The following GCNT1 variants were observed in gnomAD, a reference collection of about 807,000 sequenced individuals.
GCNT1 encodes beta-1,3-galactosyl-O-glycosyl-glycoprotein beta-1,6-N-acetylglucosaminyltransferase.
A neutral mutation model predicts 26.2 loss-of-function variants in GCNT1; 16 were observed. The observed-to-expected ratio is 0.61, with a 90% CI of 0.41 to 0.93. The LOEUF (loss-of-function observed/expected upper bound fraction) is 0.93. Among genes scored for constraint, GCNT1 ranks in the 40% least tolerant of loss-of-function variants. The probability of loss-of-function intolerance (pLI) is 0.00; values close to 1 mark genes in which losing one functional copy is unlikely to be tolerated. For missense variants in GCNT1, 477 were observed against 526.7 expected, an observed-to-expected ratio of 0.91 and a Z score of 0.92; for synonymous variants, 183 against 190.8, an observed-to-expected ratio of 0.96 and a Z score of 0.34.
chr9:76,495,362 G>C lies in GCNT1; in HGVS notation c.-289-5554G>C, dbSNP rs191624094. 1.4e-3 allele frequency among the ~76,000 whole-genome samples: 217 copies of C among 152,278 alleles called. 1 individual carries two copies. The highest frequency in any genetic ancestry group is 4.9e-3 in the African/African-American group (202 of 41,560). On this transcript the variant is annotated intron_variant, in intron 2 of 3. Transcript: ENST00000376730. ...TTCATGAGTGAAGCCGCAGACCTTT[G>C]CGGTGAGTGTTACACCTCTTAAAGG...
chr9:76,439,130 C>T (rs1823446207), upstream of GCNT1, among the ~76,000 whole-genome samples: 1 of 152,048 alleles, frequency 6.6e-6, no homozygotes, highest in Admixed American at 6.6e-5. Flanking sequence ...AGACCAGTAG[C>T]TTCAGTATCA....
At chr9:76,483,086 A>C (rs1824466382) in intron 2 of GCNT1, among the ~76,000 whole-genome samples, 1 of 152,230 alleles carries the variant, frequency 6.6e-6, no homozygotes, top group Admixed American at 6.5e-5. Context: ...ATAGTATCTT[A>C]CATGATGTCA....
chr9:76,485,812 AAC>A (rs1169650542), intron 2 of GCNT1, among the ~76,000 whole-genome samples: 5 of 151,704 alleles, frequency 3.3e-5, no homozygotes, highest in African/African-American at 1.2e-4. Context: ...CACTCATTGC[AAC>A]CTCCGCCTCC....
intron 1 of GCNT1, among the ~76,000 whole-genome samples, chr9:76,429,857 C>T (rs182447471): frequency 2.0e-5 from 3 of 151,782 alleles, no homozygotes; most frequent in African/African-American, 7.2e-5. Context: ...TGGGACTACA[C>T]GCACCCGCCA....
chr9:76,394,801 C>T, the GCNT1 span, among the ~76,000 whole-genome samples: 1 of 152,200 alleles, frequency 6.6e-6, no homozygotes, highest in African/African-American at 2.4e-5. Flanking sequence ...TCTTTAGCTC[C>T]TTGGCAACCG....
upstream of GCNT1, among the ~76,000 whole-genome samples, chr9:76,454,538 TCCCACCCAAAC>T (rs1331617395): frequency 1.4e-5 from 2 of 146,560 alleles, no homozygotes; most frequent in East Asian, 4.4e-4. Context: ...TTGGCTGTGT[TCCCACCCAAAC>T]CCCACCCAAA....
chr9:76,432,463 C>T (rs946202370), intron 1 of GCNT1, among the ~76,000 whole-genome samples: 3 of 151,828 alleles, frequency 2.0e-5, no homozygotes, highest in African/African-American at 7.2e-5. Context: ...CCTCAGCCTC[C>T]AGAGTAGCAG....
At chr9:76,449,796 G>C (rs1823635674) in intron 1 of GCNT1, among the ~76,000 whole-genome samples, 1 of 151,958 alleles carries the variant, frequency 6.6e-6, no homozygotes, top group Non-Finnish European at 1.5e-5. Flanking sequence ...GTTTTGTTTT[G>C]TTTTTGAGAC....
At position 76,452,806 on chromosome 9, in the gene GCNT1, C is replaced by A. The variant is rs1396745268; in HGVS notation, c.-290+10491C>A. 2.6e-5 allele frequency among the ~76,000 whole-genome samples: 4 copies of A among 152,150 alleles called. No homozygotes were observed. The East Asian group carries it at 5.8e-4, about 22-fold the overall frequency. On this transcript the variant is annotated intron_variant, in intron 1 of 2. Transcript: ENST00000442371. ...AGGGACACTGATCGAAACCATATCA[C>A]CCCCGAAGTGGGAAGGGCTCCCTAC... is the stretch of plus-strand genomic sequence containing the variant.
intron 2 of GCNT1, among the ~76,000 whole-genome samples, chr9:76,477,883 A>C (rs1824290211): frequency 6.6e-6 from 1 of 152,178 alleles, no homozygotes; most frequent in African/African-American, 2.4e-5. Context: ...TCCTAGTGAG[A>C]GGTGAAGCCA....
chr9:76,476,701 T>C lies in GCNT1; in HGVS notation c.-290+16524T>C, dbSNP rs946726735. Among the ~76,000 whole-genome samples the C allele has an allele frequency of 3.9e-5, 6 of 152,352 alleles. 1 individual carries two copies. The South Asian group carries it at 1.2e-3, about 32-fold the overall frequency. On this transcript the variant is annotated intron_variant, in intron 2 of 3. Transcript: ENST00000376730. ...CTGTGTTTCGCTGTTACTTATACTTTAAGCAAATTGGGGTAACAGTAAATG... is the reference window on the plus strand; with the variant it reads ...CTGTGTTTCGCTGTTACTTATACTTCAAGCAAATTGGGGTAACAGTAAATG...
upstream of GCNT1, among the ~76,000 whole-genome samples, chr9:76,456,544 C>A (rs996855564): frequency 5.9e-5 from 9 of 152,194 alleles, no homozygotes; most frequent in African/African-American, 2.2e-4. Context: ...ATCTTCATGA[C>A]CTTAAATTCT....
the GCNT1 span, chr9:76,398,601 A>C: frequency 1.4e-6 from 1 of 729,140 alleles, no homozygotes; most frequent in Non-Finnish European, 2.4e-6. Flanking sequence ...TTTTATCCAC[A>C]CAAAAACCTA....
chr9:76,500,496 G>A (rs1455376567), intron 2 of GCNT1, among the ~76,000 whole-genome samples: 1 of 152,132 alleles, frequency 6.6e-6, no homozygotes, highest in East Asian at 1.9e-4. Context: ...GAGTGGGGTG[G>A]TGATCAAGAT....
intron 2 of GCNT1, among the ~76,000 whole-genome samples, chr9:76,477,124 G>A (rs569377494): frequency 4.0e-5 from 6 of 151,736 alleles, no homozygotes; most frequent in Non-Finnish European, 5.9e-5. Context: ...CATGTTGGCC[G>A]GGCTGGTCTC....
upstream of GCNT1, among the ~76,000 whole-genome samples, chr9:76,456,061 T>G (rs1046499913): frequency 1.3e-5 from 2 of 148,596 alleles, no homozygotes; most frequent in Non-Finnish European, 3.1e-5. Context: ...ATCATGAGTT[T>G]GCTCCTTGTG....
intron 1 of GCNT1, among the ~76,000 whole-genome samples, chr9:76,444,760 T>G (rs977365089): frequency 6.6e-6 from 1 of 152,224 alleles, no homozygotes; most frequent in African/African-American, 2.4e-5. Flanking sequence ...TGATGCCCTC[T>G]TGGGCCCTCT....
At chr9:76,495,838 C>T (rs1219280631) in intron 2 of GCNT1, among the ~76,000 whole-genome samples, 1 of 151,998 alleles carries the variant, frequency 6.6e-6, no homozygotes, top group African/African-American at 2.4e-5. Flanking sequence ...ATATATTGTG[C>T]CTCATTAATA....
chr9:76,419,498 C>T (rs972473343), upstream of GCNT1, among the ~76,000 whole-genome samples: 2 of 152,044 alleles, frequency 1.3e-5, no homozygotes, highest in Non-Finnish European at 2.9e-5. Flanking sequence ...GCGAGACCCC[C>T]GTCTCTACGA....
Sources: gnomAD v4.1 joint callset for allele counts (sites outside exome capture counted in the v4.1 genomes callset) on GRCh38, gnomAD v4.1.1 for gene constraint, MANE v1.5 for transcripts, NCBI Gene and HGNC (gene_info 2026-07-23, HGNC 2026-07-21) for gene names.